The following NDUFAF2 variants were observed in gnomAD, a reference collection of about 807,000 sequenced individuals.
NDUFAF2 encodes the protein NADH:ubiquinone oxidoreductase complex assembly factor 2.
In NDUFAF2, 13 loss-of-function variants were observed where a neutral mutation model predicts 22.8. The observed-to-expected ratio is 0.57, with a 90% CI of 0.37 to 0.91. NDUFAF2 has a LOEUF of 0.91. Ranked by LOEUF, NDUFAF2 falls within the 40% of genes least tolerant of loss-of-function variation. NDUFAF2 has a pLI of 0.01. For synonymous variants in NDUFAF2, 53 were observed against 64.2 expected, an observed-to-expected ratio of 0.83 and a Z score of 0.84; for missense variants, 162 against 195.2, an observed-to-expected ratio of 0.83 and a Z score of 1.01.
chr5:61,098,078 T>G (rs1752665945), intron 2 of NDUFAF2, among the ~76,000 whole-genome samples: 1 of 152,202 alleles, frequency 6.6e-6, no homozygotes. Flanking sequence ...TTTTAAGAGA[T>G]TTATTGAATA....
intron 3 of NDUFAF2, among the ~76,000 whole-genome samples, chr5:61,117,682 A>ATTT (rs1561570415): frequency 6.6e-6 from 1 of 151,140 alleles, no homozygotes; most frequent in Non-Finnish European, 1.5e-5. Flanking sequence ...CTTTTTTTTA[A>ATTT]AAAAAAAAGA....
intron 3 of NDUFAF2, chr5:61,114,734 C>G (rs1354171039): frequency 1.3e-5 from 2 of 151,734 alleles, no homozygotes; most frequent in Non-Finnish European, 2.9e-5. Flanking sequence ...TTTTTAGTCA[C>G]TGCATCTGTA....
intron 3 of NDUFAF2, among the ~76,000 whole-genome samples, chr5:61,149,382 A>C (rs910549679): frequency 1.3e-5 from 2 of 152,340 alleles, no homozygotes; most frequent in East Asian, 1.9e-4. Flanking sequence ...AGACTAAAAA[A>C]GTTAAGTAGC....
intron 3 of NDUFAF2, among the ~76,000 whole-genome samples, chr5:61,120,312 TC>T (rs1301726624): frequency 1.6e-4 from 24 of 152,214 alleles, no homozygotes; most frequent in African/African-American, 5.8e-4. Context: ...GGTAAGCTAT[TC>T]TGCCTCTCAA....
chr5:60,950,065 A>G (rs373755110), intron 1 of NDUFAF2, among the ~76,000 whole-genome samples: 40 of 152,262 alleles, frequency 2.6e-4, no homozygotes, highest in African/African-American at 8.7e-4. Flanking sequence ...ACTTATTTGC[A>G]TTCTATTTCC....
At chr5:61,120,651 T>G (rs1752964143) in intron 3 of NDUFAF2, among the ~76,000 whole-genome samples, 1 of 152,160 alleles carries the variant, frequency 6.6e-6, no homozygotes, top group African/African-American at 2.4e-5. Flanking sequence ...GATATACTCC[T>G]GCTCACGTTC....
intron 3 of NDUFAF2, among the ~76,000 whole-genome samples, chr5:61,123,817 C>A (rs538948511): frequency 1.6e-3 from 239 of 152,162 alleles, no homozygotes; most frequent in Non-Finnish European, 2.5e-3. Context: ...CTGATGTCTT[C>A]TTTATGTGTT....
At chr5:61,051,471 G>A (rs1752023162) in intron 1 of NDUFAF2, among the ~76,000 whole-genome samples, 1 of 152,138 alleles carries the variant, frequency 6.6e-6, no homozygotes, top group African/African-American at 2.4e-5. Flanking sequence ...TATGCCTCCA[G>A]GAATGTGAGG....
intron 2 of NDUFAF2, among the ~76,000 whole-genome samples, chr5:61,091,541 G>T (rs1301305730): frequency 1.3e-5 from 2 of 152,028 alleles, no homozygotes; most frequent in African/African-American, 4.8e-5. Flanking sequence ...TTGTAAATTT[G>T]TTTAAGTTTC....
At chr5:61,019,108 T>A (rs1455442282) in intron 1 of NDUFAF2, among the ~76,000 whole-genome samples, 1 of 152,124 alleles carries the variant, frequency 6.6e-6, no homozygotes, top group African/African-American at 2.4e-5. Flanking sequence ...GAGGTAGAAA[T>A]GATGATTATC....
At chr5:61,000,370 AT>A (rs963594243) in intron 1 of NDUFAF2, among the ~76,000 whole-genome samples, 5 of 152,028 alleles carry the variant, frequency 3.3e-5, no homozygotes, top group Non-Finnish European at 4.4e-5. Flanking sequence ...TTACCATGAG[AT>A]TTCTGTGTGT....
At chr5:61,072,848 C>T (rs1752316871) in intron 1 of NDUFAF2, among the ~76,000 whole-genome samples, 1 of 152,142 alleles carries the variant, frequency 6.6e-6, no homozygotes, top group African/African-American at 2.4e-5. Flanking sequence ...GCGATCCACC[C>T]ACCTCGGCCT....
chr5:61,099,444 G>A (rs1248260557), intron 3 of NDUFAF2, among the ~76,000 whole-genome samples: 3 of 150,712 alleles, frequency 2.0e-5, no homozygotes, highest in Admixed American at 6.6e-5. Flanking sequence ...ATGCTCTTAT[G>A]TTTCCCTTAA....
chr5:60,967,344 T>A (rs561531437), intron 1 of NDUFAF2, among the ~76,000 whole-genome samples: 64 of 152,154 alleles, frequency 4.2e-4, no homozygotes, highest in African/African-American at 1.5e-3. Flanking sequence ...TTTTTCTTGC[T>A]TAATTGCTCT....
At chr5:61,050,861 A>G (rs551573646) in intron 1 of NDUFAF2, among the ~76,000 whole-genome samples, 1 of 152,308 alleles carries the variant, frequency 6.6e-6, no homozygotes, top group African/African-American at 2.4e-5. Flanking sequence ...TGTGTTTATA[A>G]TTAGCATGTG....
At chr5:61,037,851 T>C (rs987720271) in intron 1 of NDUFAF2, among the ~76,000 whole-genome samples, 4 of 151,996 alleles carry the variant, frequency 2.6e-5, no homozygotes, top group Non-Finnish European at 4.4e-5. Context: ...TAGGGTATTA[T>C]TCTGACAAGA....
chr5:60,988,546 T>C (rs2112583769), intron 1 of NDUFAF2, among the ~76,000 whole-genome samples: 1 of 152,238 alleles, frequency 6.6e-6, no homozygotes, highest in Non-Finnish European at 1.5e-5. Context: ...AGGGCTGTAG[T>C]AACCAAAACA....
intron 1 of NDUFAF2, among the ~76,000 whole-genome samples, chr5:61,026,358 T>C (rs978186732): frequency 6.6e-6 from 1 of 152,050 alleles, no homozygotes; most frequent in African/African-American, 2.4e-5. Context: ...AAGAAAAATA[T>C]AGACAGCCAG....
chr5:61,067,159 CT>C (rs1011577895), intron 1 of NDUFAF2, among the ~76,000 whole-genome samples: 12 of 151,700 alleles, frequency 7.9e-5, no homozygotes, highest in Admixed American at 2.6e-4. Flanking sequence ...CTAGATGTTT[CT>C]TTTTTTTAAT....
Sources: gnomAD v4.1 joint callset for allele counts (sites outside exome capture counted in the v4.1 genomes callset) on GRCh38, gnomAD v4.1.1 for gene constraint, MANE v1.5 for transcripts, NCBI Gene and HGNC (gene_info 2026-07-23, HGNC 2026-07-21) for gene names.